Variants in CHD6 observed in about 807,000 individuals in gnomAD.
CHD6 encodes the protein ATP-dependent chromatin remodeler CHD6.
CHD6 carries 50 observed loss-of-function variants against 276.9 expected under a neutral mutation model. The ratio of observed to expected loss-of-function variants is 0.18; its 90% CI spans 0.14 to 0.23. The LOEUF (loss-of-function observed/expected upper bound fraction) is 0.23. Among genes scored for constraint, CHD6 ranks in the 10% least tolerant of loss-of-function variants. The pLI is 1.00. For missense variants in CHD6, 2,564 were observed against 3,365.8 expected (o/e 0.76, Z 5.89); for synonymous variants, 1,173 against 1,229.3 (o/e 0.95, Z 0.96).
chr20:41,603,867 C>CCAAAA (rs994286774), intron 1 of CHD6, among the ~76,000 whole-genome samples: 15 of 152,146 alleles, frequency 9.9e-5, no homozygotes, highest in African/African-American at 3.1e-4. Context: ...AGACTCAGTC[C>CCAAAA]CAAAACAAAA....
At chr20:41,431,473 C>T (rs1290266628) in intron 27 of CHD6, among the ~76,000 whole-genome samples, 2 of 152,102 alleles carry the variant, frequency 1.3e-5, no homozygotes, top group East Asian at 3.9e-4. Context: ...GACAATGCTA[C>T]AGTAACTTCT....
intron 1 of CHD6, among the ~76,000 whole-genome samples, chr20:41,579,385 C>G (rs2045511119): frequency 7.1e-6 from 1 of 140,830 alleles, no homozygotes. Context: ...TTGCAGTAAG[C>G]CAAGATCACA....
rs1281627216 is a variant in CHD6, at chr20:41,542,862, TG to T, written c.33+8442del. On this transcript the variant is annotated intron_variant, in intron 2 of 36. Coordinates refer to ENST00000373233, the MANE Select transcript of CHD6 (RefSeq NM_032221.5). ...GCTCACGCCTGTAATCCCAGCACTT[TG>T]GGAGGCTGAGGCGGGTGGATCACAA... 2.6e-5 allele frequency among the ~76,000 whole-genome samples: 4 copies of T among 151,852 alleles called. No homozygotes were observed. The East Asian group carries it at 7.8e-4, about 30-fold the overall frequency.
intron 17 of CHD6, among the ~76,000 whole-genome samples, chr20:41,467,431 AT>A (rs2042945568): frequency 1.3e-5 from 2 of 152,138 alleles, no homozygotes; most frequent in Non-Finnish European, 2.9e-5. Context: ...TGGTGCTATA[AT>A]CCCCCAGCCC....
At chr20:41,581,327 G>A (rs1419317938) in intron 1 of CHD6, among the ~76,000 whole-genome samples, 1 of 152,122 alleles carries the variant, frequency 6.6e-6, no homozygotes, top group East Asian at 1.9e-4. Flanking sequence ...CAGGCAGTCT[G>A]GTTGCTGAGT....
intron 23 of CHD6, among the ~76,000 whole-genome samples, chr20:41,450,408 C>A (rs1449756891): frequency 2.0e-5 from 3 of 151,942 alleles, no homozygotes; most frequent in Non-Finnish European, 4.4e-5. Context: ...CTGAATGCCC[C>A]AAGTCCCCAA....
At chr20:41,582,094 T>C (rs1197683775) in intron 1 of CHD6, among the ~76,000 whole-genome samples, 1 of 152,146 alleles carries the variant, frequency 6.6e-6, no homozygotes, top group Admixed American at 6.5e-5. Flanking sequence ...TGTGGGTTTC[T>C]AAGGACTAAA....
chr20:41,567,251 C>T (rs1201846082), intron 1 of CHD6, among the ~76,000 whole-genome samples: 3 of 152,136 alleles, frequency 2.0e-5, no homozygotes, highest in African/African-American at 7.2e-5. Flanking sequence ...CAACACAGTG[C>T]CTTAACCAGT....
intron 3 of CHD6, among the ~76,000 whole-genome samples, chr20:41,517,893 T>G (rs2044290363): frequency 6.6e-6 from 1 of 152,232 alleles, no homozygotes; most frequent in Non-Finnish European, 1.5e-5. Context: ...TTTTGCCTCT[T>G]TTTTTCTAAA....
chr20:41,464,098 G>A (rs928801420), intron 17 of CHD6, among the ~76,000 whole-genome samples: 1 of 151,962 alleles, frequency 6.6e-6, no homozygotes, highest in Non-Finnish European at 1.5e-5. Context: ...CTGGATAAAG[G>A]GTACACTGGA....
At position 41,456,047 on chromosome 20, in the gene CHD6, G is replaced by A; in HGVS notation, c.2830-68C>T. On this transcript the variant is annotated intron_variant, in intron 18 of 36. Transcript: ENST00000373233. ...TAGGAGAAAAACAGCCTCAAATCTG[G>A]TTTTTGTGATTCAGTGCATAGTTCC... 9.1e-6 allele frequency: 13 copies of A among 1,428,024 alleles called. No homozygotes were observed. The South Asian group carries it at 1.3e-4, about 14-fold the overall frequency. 88.5% of individuals were successfully genotyped at this position (1,428,024 alleles called of 1,614,324 possible).
chr20:41,499,490 G>C, intron 5 of CHD6, 133 bp from the exon 6 acceptor site: 2 of 657,998 alleles, frequency 3.0e-6, no homozygotes, highest in South Asian at 4.2e-5. Context: ...CTCCCATCAG[G>C]CCACAGAGTG....
intron 1 of CHD6, among the ~76,000 whole-genome samples, chr20:41,585,290 G>A (rs1270023089): frequency 6.6e-6 from 1 of 152,082 alleles, no homozygotes; most frequent in Admixed American, 6.5e-5. Context: ...GATCACCTGA[G>A]GTTGGGAGTT....
At chr20:41,484,184 G>C (rs1346019304) in intron 15 of CHD6, among the ~76,000 whole-genome samples, 168 bp downstream of exon 15, 1 of 152,130 alleles carries the variant, frequency 6.6e-6, no homozygotes, top group African/African-American at 2.4e-5. Flanking sequence ...ATACCACTTA[G>C]GCAAATTCAT....
intron 16 of CHD6, among the ~76,000 whole-genome samples, chr20:41,476,398 G>T (rs2145796313): frequency 6.6e-6 from 1 of 152,002 alleles, no homozygotes; most frequent in Admixed American, 6.6e-5. Flanking sequence ...ACATGTTTTT[G>T]GCACAAGAAA....
intron 1 of CHD6, among the ~76,000 whole-genome samples, chr20:41,586,157 G>A (rs1210260352): frequency 6.6e-6 from 1 of 152,166 alleles, no homozygotes; most frequent in African/African-American, 2.4e-5. Context: ...TTGTATGGGA[G>A]CTCTGTTTTC....
intron 1 of CHD6, among the ~76,000 whole-genome samples, chr20:41,598,637 C>T (rs1019927966): frequency 6.6e-6 from 1 of 152,144 alleles, no homozygotes; most frequent in African/African-American, 2.4e-5. Context: ...AAAAGCCCTG[C>T]GGGTCAGCCC....
chr20:41,507,587 C>T (rs761592060), intron 5 of CHD6, among the ~76,000 whole-genome samples: 52 of 152,012 alleles, frequency 3.4e-4, no homozygotes, highest in South Asian at 4.1e-4. Flanking sequence ...AGAGATTGTG[C>T]GTAAGTACGA....
At chr20:41,523,643 G>C (rs1313161910) in intron 3 of CHD6, among the ~76,000 whole-genome samples, 2 of 149,588 alleles carry the variant, frequency 1.3e-5, no homozygotes, top group Non-Finnish European at 3.0e-5. Flanking sequence ...CGTGTTTTTT[G>C]TTTTTTGTTT....
Sources: allele counts gnomAD v4.1 joint callset (sites outside exome capture counted in the v4.1 genomes callset), GRCh38; gene constraint gnomAD v4.1.1; transcripts MANE v1.5; gene names NCBI Gene and HGNC (gene_info 2026-07-23, HGNC 2026-07-21).